GLDC: variants seen among roughly 807,000 people sequenced by gnomAD.
GLDC encodes glycine dehydrogenase (decarboxylating), mitochondrial.
A neutral mutation model predicts 121.3 loss-of-function variants in GLDC; 104 were observed. That is an observed-to-expected ratio of 0.86 (90% CI 0.73 to 1.01). GLDC has a LOEUF of 1.01. Ranked by LOEUF, GLDC falls within the 50% of genes least tolerant of loss-of-function variation. The pLI is 0.00. For missense variants in GLDC, 1,429 were observed against 1,306.6 expected (o/e 1.09, Z -1.44); for synonymous variants, 546 against 480.6 (o/e 1.14, Z -1.78).
At chr9:6,547,855 T>A (rs1403529523) in intron 21 of GLDC, among the ~76,000 whole-genome samples, 1 of 152,130 alleles carries the variant, frequency 6.6e-6, no homozygotes, top group East Asian at 1.9e-4. Context: ...GTAGGCCAGG[T>A]GCAGTGGCTC....
At position 6,536,183 on chromosome 9, in the gene GLDC, G is replaced by T. The variant is rs1397798991; in HGVS notation, c.2719C>A (p.Pro907Thr). 1 of 1,613,856 alleles carries T rather than the reference G, an allele frequency of 6.2e-7. No homozygotes were observed. Among genetic ancestry groups the T allele is most frequent in the Non-Finnish European group, 8.5e-7 (1 of 1,179,920 alleles). The stretch of plus-strand genomic sequence containing the variant: ...TCTGCCTTGTCCTCCGACTCAGTGG[G>T]CTCCACCATGAGGGTCCCTGCCACA... ...WPVAGTLMVE[P>T]TESEDKAELD... Residue 907 changes from proline to threonine, a missense_variant, in exon 23 of 25, where the codon CCC becomes ACC. By Grantham distance (38) the Pro-to-Thr change is conservative. Coordinates refer to ENST00000321612, the MANE Select transcript of GLDC (RefSeq NM_000170.3).
chr9:6,635,440 A>G (rs1462992919), intron 2 of GLDC, among the ~76,000 whole-genome samples: 1 of 152,226 alleles, frequency 6.6e-6, no homozygotes, highest in African/African-American at 2.4e-5. Flanking sequence ...ATAGCCCTCA[A>G]GAATAGCACT....
chr9:6,559,516 TA>T (rs56198084), intron 16 of GLDC, among the ~76,000 whole-genome samples: 5,011 of 83,218 alleles, frequency 0.06, 293 homozygotes, highest in African/African-American at 0.18. Context: ...ACTCCGTATT[TA>T]AAAAAAAAAA....
Position 6,602,152 on chromosome 9 carries a change from T to C in GLDC, c.1112A>G (p.His371Arg), listed in dbSNP as rs1818623650. The change falls in exon 8 of 25, where the codon CAC (histidine) becomes CGC (arginine). Residue 371 changes from histidine to arginine, a missense_variant. Physicochemically the swap from His to Arg is conservative, Grantham distance 29. Transcript: ENST00000321612. ...YRLALQTREQ[H>R]IRRDKATSNI... ...GCTGGTAGCCTTGTCTCTCCGAATG[T>C]GTTGCTCCCTGGTTTGAAGAGCAAG... 6.2e-7 allele frequency: 1 copy of C among 1,613,620 alleles called. No homozygotes were observed. Among genetic ancestry groups the C allele is most frequent in the Non-Finnish European group, 8.5e-7 (1 of 1,179,562 alleles).
chr9:6,564,755 T>C (rs1817821537), intron 16 of GLDC, among the ~76,000 whole-genome samples: 1 of 152,212 alleles, frequency 6.6e-6, no homozygotes, highest in Non-Finnish European at 1.5e-5. Flanking sequence ...TGTCCATTAG[T>C]ACCTGCTGGT....
rs1375050864 is a variant in GLDC, at chr9:6,602,316, C to T, written c.1059-111G>A. 37 of 730,590 alleles carry T rather than the reference C, an allele frequency of 5.1e-5. No individual in the cohort carries two copies. In the South Asian group the frequency reaches 5.3e-4, roughly 10 times the overall value. The allele number at this position is 730,590 out of a possible 1,614,324, so 45.3% of individuals were successfully genotyped here. A position where few individuals can be genotyped will look rare whatever the true frequency, so the allele number is the denominator to read the frequency against. On this transcript the variant is annotated intron_variant, in intron 7 of 24. Coordinates refer to ENST00000321612, the MANE Select transcript of GLDC (RefSeq NM_000170.3). Reference sequence around the variant, plus strand: ...GCTTGAAGTGAATTCAGCAAATGCACTTGGGTGCAAATTTATAAAGAAACA... The same window carrying T: ...GCTTGAAGTGAATTCAGCAAATGCATTTGGGTGCAAATTTATAAAGAAACA...
chr9:6,645,269 C>A lies in GLDC; in HGVS notation c.231G>T (p.Glu77Asp), dbSNP rs549637212. ...CCGCCAGCCCCAAGGTCTGCAGCAT[C>A]TCTCTCTGGTCTTTGTCCCCAGGGC... ...HIGPGDKDQR[E>D]MLQTLGLASI... is the part of the protein sequence containing the mutation. Residue 77 changes from glutamate (E) to aspartate (D), a missense_variant, in exon 1 of 25, where the codon GAG becomes GAT. Transcript: ENST00000321612. 1.2e-6 allele frequency: 2 copies of A among 1,601,500 alleles called. No homozygotes were observed. Among genetic ancestry groups the A allele is most frequent in the Non-Finnish European group, 1.7e-6 (2 of 1,174,086 alleles).
At chr9:6,552,574 C>T (rs991106216) in intron 20 of GLDC, among the ~76,000 whole-genome samples, 6 of 152,150 alleles carry the variant, frequency 3.9e-5, no homozygotes, top group Non-Finnish European at 8.8e-5. Context: ...AATAAACAGT[C>T]AGCTCCACAG....
intron 18 of GLDC, chr9:6,555,062 A>C: frequency 2.0e-6 from 1 of 493,732 alleles, no homozygotes; most frequent in South Asian, 2.1e-5. Context: ...TCTCTTCCTA[A>C]TTATCCACAC....
intron 3 of GLDC, among the ~76,000 whole-genome samples, chr9:6,619,496 A>G (rs1246492379): frequency 1.1e-4 from 16 of 151,932 alleles, no homozygotes; most frequent in African/African-American, 3.4e-4. Context: ...GGGAGGCTGA[A>G]GCGGGCGGAT....
chr9:6,609,740 C>T (rs1818811006), intron 4 of GLDC, among the ~76,000 whole-genome samples: 2 of 152,084 alleles, frequency 1.3e-5, no homozygotes, highest in Middle Eastern at 3.4e-3. Context: ...GTCACATTTC[C>T]ACCCTAGCCT....
intron 21 of GLDC, among the ~76,000 whole-genome samples, chr9:6,547,106 A>G (rs577664771): frequency 2.0e-5 from 3 of 152,320 alleles, no homozygotes; most frequent in African/African-American, 7.2e-5. Flanking sequence ...TCAGCCTTCC[A>G]AAGTGCTTGG....
chr9:6,567,584 G>C (rs1055540511), intron 15 of GLDC: 1 of 152,164 alleles, frequency 6.6e-6, no homozygotes, highest in Admixed American at 6.5e-5. Flanking sequence ...CTTCCTCAGA[G>C]AGGCCTTCCC....
rs73639327 is a variant in GLDC, at chr9:6,544,182, C to G, written c.2570-4036G>C. ...TTTAGCTGAAATCCACAGAACATGA[C>G]TAACAGAATCAAACCTCCCGGCTGT... On this transcript the variant is annotated intron_variant, in intron 21 of 24. Transcript: ENST00000321612. Among the ~76,000 whole-genome samples, 841 of 152,294 alleles carry G rather than the reference C, an allele frequency of 5.5e-3. 4 individuals carry two copies. Among genetic ancestry groups the G allele is most frequent in the African/African-American group, 0.019 (777 of 41,552 alleles).
chr9:6,571,597 T>A (rs967874294), intron 15 of GLDC, among the ~76,000 whole-genome samples: 1 of 152,106 alleles, frequency 6.6e-6, no homozygotes, highest in Non-Finnish European at 1.5e-5. Flanking sequence ...AAGTGACTGA[T>A]GGGTGGGTAG....
At chr9:6,550,509 C>G (rs2129703986) in intron 21 of GLDC, among the ~76,000 whole-genome samples, 1 of 152,176 alleles carries the variant, frequency 6.6e-6, no homozygotes, top group Non-Finnish European at 1.5e-5. Context: ...CACGTGTAGT[C>G]CCAGCTACTC....
chr9:6,551,011 A>C, intron 20 of GLDC, 97 bp from the exon 21 acceptor site: 1 of 809,348 alleles, frequency 1.2e-6, no homozygotes, highest in Non-Finnish European at 2.2e-6. Context: ...CTCCACCCAC[A>C]AAGGAAGGCA....
chr9:6,629,958 T>TATATATATATATATATATGTGTATATA, intron 2 of GLDC, among the ~76,000 whole-genome samples: 1 of 78,680 alleles, frequency 1.3e-5, no homozygotes, highest in African/African-American at 6.1e-5. Context: ...TATATATATA[T>TATATATATATATATATATGTGTATATA]TTTTTTTTTT....
chr9:6,600,143 C>T (rs1260565058), intron 8 of GLDC, among the ~76,000 whole-genome samples: 1 of 152,176 alleles, frequency 6.6e-6, no homozygotes, highest in African/African-American at 2.4e-5. Flanking sequence ...AAGATAGGAT[C>T]ACTTGAGCTC....
Sources: gnomAD v4.1 joint callset for allele counts (sites outside exome capture counted in the v4.1 genomes callset) on GRCh38, gnomAD v4.1.1 for gene constraint, MANE v1.5 for transcripts, NCBI Gene and HGNC (gene_info 2026-07-23, HGNC 2026-07-21) for gene names.